MYO18B: variants seen among roughly 807,000 people sequenced by gnomAD.
MYO18B encodes myosin XVIIIB.
In MYO18B, 204 loss-of-function variants were observed where a neutral mutation model predicts 273.0. The observed-to-expected ratio is 0.75, with a 90% confidence interval of 0.67 to 0.84. The LOEUF is 0.84. MYO18B is among the 40% of genes least tolerant of loss of function. The pLI, the probability that MYO18B is intolerant of heterozygous loss-of-function variation, is 0.00. For missense variants in MYO18B, 3,212 were observed against 3,287.6 expected (o/e 0.98, Z 0.56); for synonymous variants, 1,330 against 1,305.7 (o/e 1.02, Z -0.40).
intron 33 of MYO18B, among the ~76,000 whole-genome samples, chr22:25,919,766 T>C (rs2092315571): frequency 6.6e-6 from 1 of 152,058 alleles, no homozygotes; most frequent in Non-Finnish European, 1.5e-5. Context: ...ATAAAGACCG[T>C]ATTCTGAGAA....
chr22:25,801,294 G>T (rs768751631), intron 12 of MYO18B, among the ~76,000 whole-genome samples: 2 of 152,170 alleles, frequency 1.3e-5, no homozygotes, highest in Non-Finnish European at 2.9e-5. Context: ...AACTGTTATA[G>T]CAATGACAAT....
Position 26,031,019 on chromosome 22 carries a change from C to T in MYO18B, c.*589C>T, listed in dbSNP as rs1484603240. 1.0e-5 allele frequency: 4 copies of T among 398,184 alleles called. No homozygotes were observed. The highest frequency in any genetic ancestry group is 2.1e-5 in the African/African-American group (1 of 48,604). The allele number at this position is 398,184 out of a possible 1,614,324, so 24.7% of individuals were successfully genotyped here. ...ATGAATGAATGAATGAGCCAAAGAA[C>T]AAATAAATGAGCCCACACACCCTGA... On this transcript the variant is annotated 3_prime_UTR_variant, in exon 44 of 44. Transcript: ENST00000335473.
chr22:26,049,595 G>A, the MYO18B span, among the ~76,000 whole-genome samples: 71 of 152,320 alleles, frequency 4.7e-4, 1 homozygote, highest in African/African-American at 1.5e-3. Context: ...CAGTCCTAAA[G>A]GTTTCATAAG....
intron 23 of MYO18B, 116 bp downstream of exon 23, chr22:25,874,530 G>A: frequency 7.8e-7 from 1 of 1,281,444 alleles, no homozygotes; most frequent in Non-Finnish European, 1.1e-6. Flanking sequence ...AACCTGAGCA[G>A]TGAGACTTTA....
intron 39 of MYO18B, among the ~76,000 whole-genome samples, chr22:25,987,603 GT>G (rs2093216606): frequency 6.6e-6 from 1 of 152,008 alleles, no homozygotes. Flanking sequence ...CCCCAAACAT[GT>G]ATTGAGTACC....
chr22:25,888,583 C>T (rs1308318162), intron 25 of MYO18B, among the ~76,000 whole-genome samples: 1 of 152,180 alleles, frequency 6.6e-6, no homozygotes, highest in African/African-American at 2.4e-5. Context: ...ATTTTAACAA[C>T]CATCTGAGGT....
chr22:26,020,559 A>G (rs1203425609), intron 42 of MYO18B, among the ~76,000 whole-genome samples: 2 of 152,218 alleles, frequency 1.3e-5, no homozygotes, highest in Non-Finnish European at 2.9e-5. Context: ...TTTAAAATTT[A>G]TGTTATACTG....
chr22:25,862,005 A>G (rs1243096680), intron 21 of MYO18B, among the ~76,000 whole-genome samples: 2 of 152,326 alleles, frequency 1.3e-5, no homozygotes, highest in Admixed American at 1.3e-4. Flanking sequence ...TGGAAAAAAA[A>G]GGATGGTTGT....
intron 39 of MYO18B, among the ~76,000 whole-genome samples, chr22:25,986,934 A>G (rs1470995776): frequency 6.6e-6 from 1 of 152,218 alleles, no homozygotes; most frequent in African/African-American, 2.4e-5. Context: ...ATGTGTGTGT[A>G]ATTTTTTTCA....
At chr22:26,037,815 T>C in the MYO18B span, among the ~76,000 whole-genome samples, 3,859 of 152,320 alleles carry the variant, frequency 0.025, 72 homozygotes, top group Non-Finnish European at 0.04. Flanking sequence ...CTGGAAATTA[T>C]TCTTGCTGCT....
chr22:25,781,627 A>AAAAT (rs71322765), intron 9 of MYO18B, 107 bp from the exon 10 acceptor site: 3 of 508,598 alleles, frequency 5.9e-6, no homozygotes, highest in Non-Finnish European at 9.5e-6. Context: ...AAAAAAAAAG[A>AAAAT]GTGGATCAGA....
intron 12 of MYO18B, among the ~76,000 whole-genome samples, chr22:25,800,373 A>G (rs895839854): frequency 6.6e-5 from 10 of 152,260 alleles, no homozygotes; most frequent in Non-Finnish European, 1.2e-4. Context: ...CTGTTTGGGC[A>G]TCACCACTAC....
chr22:26,005,168 G>A (rs1247596551), intron 42 of MYO18B, among the ~76,000 whole-genome samples: 3 of 152,178 alleles, frequency 2.0e-5, no homozygotes, highest in African/African-American at 7.2e-5. Context: ...ATAGCACAGG[G>A]TGAACATTTT....
At chr22:25,904,053 T>G (rs973410638) in intron 31 of MYO18B, among the ~76,000 whole-genome samples, 6 of 152,210 alleles carry the variant, frequency 3.9e-5, no homozygotes, top group Admixed American at 3.9e-4. Flanking sequence ...AAGCCTGCCT[T>G]AATCATCTTG....
chr22:25,748,898 G>C (rs566484305), intron 1 of MYO18B, among the ~76,000 whole-genome samples: 2 of 152,292 alleles, frequency 1.3e-5, no homozygotes, highest in South Asian at 4.1e-4. Flanking sequence ...CTGGCTCTTT[G>C]GCCATCAAAC....
chr22:25,876,069 C>A, intron 23 of MYO18B, 120 bp from the exon 24 acceptor site: 1 of 850,140 alleles, frequency 1.2e-6, no homozygotes, highest in Non-Finnish European at 1.8e-6. Context: ...TATCCAGTCC[C>A]TTCCACCGGG....
At chr22:25,957,647 A>G (rs1002127550) in intron 39 of MYO18B, among the ~76,000 whole-genome samples, 28 of 152,302 alleles carry the variant, frequency 1.8e-4, no homozygotes, top group African/African-American at 6.3e-4. Flanking sequence ...TCAAGGTGTG[A>G]ACAGGGCTAC....
intron 34 of MYO18B, among the ~76,000 whole-genome samples, chr22:25,921,920 C>G (rs2092353775): frequency 6.6e-6 from 1 of 151,354 alleles, no homozygotes; most frequent in Non-Finnish European, 1.5e-5. Flanking sequence ...CATGCAAAAC[C>G]AATGCTTAAC....
chr22:25,929,485 T>A (rs1366201773), intron 34 of MYO18B, among the ~76,000 whole-genome samples: 1 of 152,218 alleles, frequency 6.6e-6, no homozygotes, highest in Admixed American at 6.5e-5. Context: ...CAGCAGATGC[T>A]AACACCTGGC....
Sources: allele counts gnomAD v4.1 joint callset (sites outside exome capture counted in the v4.1 genomes callset), GRCh38; gene constraint gnomAD v4.1.1; transcripts MANE v1.5; gene names NCBI Gene and HGNC (gene_info 2026-07-23, HGNC 2026-07-21).